SOX5: variants seen among roughly 807,000 people sequenced by gnomAD.
The protein encoded by SOX5 is SRY-box transcription factor 5.
In SOX5, 9 loss-of-function variants were observed where a neutral mutation model predicts 92.0. That is an observed-to-expected ratio of 0.10 (90% confidence interval 0.06 to 0.17). The LOEUF is 0.17. SOX5 is among the 10% of genes least tolerant of loss of function. The pLI is 1.00. For missense variants in SOX5, 642 were observed against 944.5 expected, an observed-to-expected ratio of 0.68 and a Z score of 4.20; for synonymous variants, 344 against 336.3, an observed-to-expected ratio of 1.02 and a Z score of -0.25.
At chr12:23,988,723 TAGA>T (rs769650388) in intron 4 of SOX5, among the ~76,000 whole-genome samples, 2 of 152,010 alleles carry the variant, frequency 1.3e-5, no homozygotes, top group South Asian at 2.1e-4. Context: ...CATGAGAGAG[TAGA>T]AGAAGTGATA....
At position 24,214,438 on chromosome 12, in the gene SOX5, TA is replaced by T. The variant is rs1441218658; in HGVS notation, c.-76-1022del. ...AAGTTTTCAATACATACAGCTATTTTATTATGATTTTATTATTTATTTGTGA... is the reference window on the plus strand; with the variant it reads ...AAGTTTTCAATACATACAGCTATTTTTTATGATTTTATTATTTATTTGTGA... On this transcript the variant is annotated intron_variant, in intron 3 of 4. Coordinates refer to the SOX5 transcript ENST00000446891. 4.6e-5 allele frequency among the ~76,000 whole-genome samples: 7 copies of T among 152,246 alleles called. No homozygotes were observed. The East Asian group carries it at 1.3e-3, about 29-fold the overall frequency.
intron 4 of SOX5, among the ~76,000 whole-genome samples, chr12:23,971,282 CTGGCTAATTTTT>C (rs1948306068): frequency 6.6e-6 from 1 of 151,632 alleles, no homozygotes; most frequent in South Asian, 2.1e-4. Flanking sequence ...GCCACCATGC[CTGGCTAATTTTT>C]TGTATTTTTA....
chr12:23,830,466 A>G (rs2096297369), intron 3 of SOX5, among the ~76,000 whole-genome samples: 1 of 152,150 alleles, frequency 6.6e-6, no homozygotes, highest in Non-Finnish European at 1.5e-5. Context: ...AAAGGGCTCA[A>G]TTGAAAAGTA....
intron 1 of SOX5, among the ~76,000 whole-genome samples, chr12:24,400,420 G>A (rs1019414608): frequency 3.9e-5 from 6 of 152,156 alleles, no homozygotes; most frequent in African/African-American, 7.2e-5. Flanking sequence ...TGAGGAGGGC[G>A]GGGGAAGAAT....
At chr12:24,346,453 C>CTT (rs35587389) in intron 2 of SOX5, among the ~76,000 whole-genome samples, 18 of 140,952 alleles carry the variant, frequency 1.3e-4, no homozygotes, top group East Asian at 2.1e-4. Flanking sequence ...TTTTGGAGTA[C>CTT]TTTTTTTTTT....
intron 13 of SOX5, among the ~76,000 whole-genome samples, chr12:23,537,220 A>G (rs1416577498): frequency 1.3e-5 from 2 of 152,138 alleles, no homozygotes; most frequent in East Asian, 1.9e-4. Context: ...ATATTAATAA[A>G]CATGGAGTGG....
intron 4 of SOX5, among the ~76,000 whole-genome samples, chr12:24,156,273 G>A (rs560013073): frequency 6.6e-6 from 1 of 152,238 alleles, no homozygotes; most frequent in African/African-American, 2.4e-5. Context: ...CTCCCCTCAA[G>A]ACTACATCAG....
At chr12:24,145,185 A>G (rs1950953502) in intron 4 of SOX5, among the ~76,000 whole-genome samples, 1 of 152,198 alleles carries the variant, frequency 6.6e-6, no homozygotes, top group Non-Finnish European at 1.5e-5. Context: ...CAATGCTATG[A>G]CAACAAACAA....
chr12:24,316,244 G>C (rs1203168331), intron 2 of SOX5, among the ~76,000 whole-genome samples: 1 of 152,176 alleles, frequency 6.6e-6, no homozygotes, highest in African/African-American at 2.4e-5. Flanking sequence ...TGGGGTTGAG[G>C]GGAAGGGGAG....
At chr12:23,631,874 C>T (rs2078581831) in intron 8 of SOX5, among the ~76,000 whole-genome samples, 1 of 152,004 alleles carries the variant, frequency 6.6e-6, no homozygotes, top group African/African-American at 2.4e-5. Context: ...TGTACTGACT[C>T]CATTGTCCAA....
chr12:23,988,389 G>A (rs1467744995), intron 4 of SOX5, among the ~76,000 whole-genome samples: 1 of 152,150 alleles, frequency 6.6e-6, no homozygotes, highest in Non-Finnish European at 1.5e-5. Context: ...GACTTGAAGA[G>A]CCCATGGGCC....
At chr12:24,042,066 A>G (rs1292509298) in intron 4 of SOX5, among the ~76,000 whole-genome samples, 1 of 152,110 alleles carries the variant, frequency 6.6e-6, no homozygotes, top group Non-Finnish European at 1.5e-5. Flanking sequence ...TAAAGTTAAT[A>G]AATAGACCAA....
intron 3 of SOX5, among the ~76,000 whole-genome samples, chr12:24,213,959 T>C (rs1372555829): frequency 7.9e-5 from 12 of 151,582 alleles, no homozygotes; most frequent in Admixed American, 6.6e-4. Flanking sequence ...AATATATATA[T>C]ATATAATGTA....
intron 3 of SOX5, among the ~76,000 whole-genome samples, chr12:24,241,175 C>A (rs1965491735): frequency 6.6e-6 from 1 of 152,050 alleles, no homozygotes; most frequent in African/African-American, 2.4e-5. Flanking sequence ...TATTGTCTTG[C>A]AATTAAAAAG....
chr12:24,091,305 C>T (rs1371940917), intron 4 of SOX5, among the ~76,000 whole-genome samples: 1 of 152,000 alleles, frequency 6.6e-6, no homozygotes, highest in Non-Finnish European at 1.5e-5. Context: ...ATATTATTGT[C>T]ATATACTGTA....
At chr12:24,049,334 A>C (rs1041544639) in intron 4 of SOX5, among the ~76,000 whole-genome samples, 2 of 152,248 alleles carry the variant, frequency 1.3e-5, no homozygotes, top group Non-Finnish European at 2.9e-5. Flanking sequence ...ACAAACTGGC[A>C]GTTTATTTAC....
chr12:24,038,090 C>T (rs141878163), intron 4 of SOX5, among the ~76,000 whole-genome samples: 2 of 152,316 alleles, frequency 1.3e-5, no homozygotes, highest in Non-Finnish European at 2.9e-5. Context: ...AAATTATCCT[C>T]TATAAATCGT....
chr12:24,226,878 G>GAATA (rs756467103), intron 3 of SOX5, among the ~76,000 whole-genome samples: 2 of 150,606 alleles, frequency 1.3e-5, no homozygotes, highest in African/African-American at 4.9e-5. Flanking sequence ...ATGAATGAAT[G>GAATA]AATGAATAAA....
chr12:24,322,036 C>A (rs898320444), intron 2 of SOX5, among the ~76,000 whole-genome samples: 4 of 152,144 alleles, frequency 2.6e-5, no homozygotes, highest in African/African-American at 7.2e-5. Flanking sequence ...TTTGGGCACA[C>A]AATTTTCCTT....
Sources: allele counts gnomAD v4.1 joint callset (sites outside exome capture counted in the v4.1 genomes callset), GRCh38; gene constraint gnomAD v4.1.1; transcripts MANE v1.5; gene names NCBI Gene and HGNC (gene_info 2026-07-23, HGNC 2026-07-21).